ZNF451: variants seen among roughly 807,000 people sequenced by gnomAD.
ZNF451 encodes zinc finger protein 451.
In ZNF451, 80 loss-of-function variants were observed where a neutral mutation model predicts 107.1. The observed-to-expected ratio is 0.75, with a 90% CI of 0.62 to 0.90. The LOEUF (loss-of-function observed/expected upper bound fraction) is 0.90. Ranked by LOEUF, ZNF451 falls within the 40% of genes least tolerant of loss-of-function variation. ZNF451 has a pLI of 0.00. For missense variants in ZNF451, 1,107 were observed against 1,236.2 expected (o/e 0.90, Z 1.57); for synonymous variants, 362 against 406.5 (o/e 0.89, Z 1.32).
chr6:57,104,622 A>G, intron 3 of ZNF451: 13 of 985,182 alleles, frequency 1.3e-5, no homozygotes, highest in Non-Finnish European at 1.4e-5. Context: ...AGAAAAAAAA[A>G]GGCACATAAA....
chr6:57,143,728 C>G (rs1205277989), intron 9 of ZNF451, among the ~76,000 whole-genome samples: 3 of 152,090 alleles, frequency 2.0e-5, no homozygotes, highest in African/African-American at 7.2e-5. Flanking sequence ...TGAACTTGCT[C>G]TTGTTCACAA....
Position 57,152,301 on chromosome 6 carries a change from C to T in ZNF451, c.2833C>T (p.Pro945Ser), listed in dbSNP as rs1317093955. The change falls in exon 12 of 15, where the codon CCT becomes TCT. Residue 945 changes from proline (P) to serine (S), a missense_variant. Physicochemically the swap from Pro to Ser is moderately conservative, Grantham distance 74 (BLOSUM62 -1). Around this residue, in one of 5 missense-constraint regions of ZNF451, gnomAD observed 151 missense variants for 173.3 expected, o/e 0.87. Coordinates refer to ENST00000370706, the MANE Select transcript of ZNF451 (RefSeq NM_001031623.3). ...CAGGATTGGATGCTTCTTCCTTCAT[C>T]CTCGCTGTAGTAAAAGAAAAGATGC... ...LNRIGCFFLHPRCSKRKDAAD... is the reference protein window; with the variant it reads ...LNRIGCFFLHSRCSKRKDAAD... The T allele has an allele frequency of 6.2e-7, 1 of 1,614,064 alleles. No homozygotes were observed. Among genetic ancestry groups the T allele is most frequent in the East Asian group, 2.2e-5 (1 of 44,862 alleles).
intron 2 of ZNF451, among the ~76,000 whole-genome samples, chr6:57,091,773 A>G (rs1018235709): frequency 1.3e-4 from 20 of 152,306 alleles, no homozygotes; most frequent in African/African-American, 4.8e-4. Context: ...CAAGCTGTAG[A>G]ATTTTTCGTT....
intron 3 of ZNF451, chr6:57,104,384 G>C (rs1219757077): frequency 1.0e-6 from 1 of 985,360 alleles, no homozygotes; most frequent in Non-Finnish European, 1.2e-6. Flanking sequence ...AAGTGTTTCT[G>C]ACTAGCTAAG....
chr6:57,115,647 C>T (rs573975092), intron 3 of ZNF451: 1 of 152,310 alleles, frequency 6.6e-6, no homozygotes, highest in Non-Finnish European at 1.5e-5. Context: ...TGCCTTTAGG[C>T]TTCTTCTGGC....
At chr6:57,104,072 A>C in intron 3 of ZNF451, 1 of 984,686 alleles carries the variant, frequency 1.0e-6, no homozygotes, top group Non-Finnish European at 1.2e-6. Flanking sequence ...AGTCATATCA[A>C]GAGTTAATAT....
chr6:57,125,433 A>G (rs1040291381), intron 4 of ZNF451, among the ~76,000 whole-genome samples: 46 of 152,188 alleles, frequency 3.0e-4, no homozygotes, highest in African/African-American at 1.1e-3. Flanking sequence ...CTCAATAGTG[A>G]CAAATGTCCT....
In ZNF451 at chr6:57,147,546, A is replaced by T; in HGVS notation, c.1461A>T (p.Glu487Asp). 1 of 1,614,178 alleles carries T rather than the reference A, an allele frequency of 6.2e-7. No individual in the cohort carries two copies. Among genetic ancestry groups the T allele is most frequent in the Non-Finnish European group, 8.5e-7 (1 of 1,179,992 alleles). The change falls in exon 10 of 15, where the codon GAA becomes GAT. Residue 487 changes from glutamate (E) to aspartate (D), a missense_variant. Physicochemically the swap from Glu to Asp is conservative, Grantham distance 45. This residue lies in a region of ZNF451 where 608 missense variants were observed against 649.2 expected (regional missense o/e 0.94). Coordinates refer to ENST00000370706, the MANE Select transcript of ZNF451 (RefSeq NM_001031623.3). Reference protein sequence around the residue: ...NQRFPSEDAVEKHVFSANTMG... With the variant: ...NQRFPSEDAVDKHVFSANTMG... ...GATTCCCAAGTGAAGATGCAGTAGA[A>T]AAGCATGTTTTCTCAGCAAACACAA...
In ZNF451 at chr6:57,141,941, C is replaced by T. The variant is rs367833404; in HGVS notation, c.857-7C>T. 9 of 1,611,296 alleles carry T rather than the reference C, an allele frequency of 5.6e-6. 1 individual carries two copies. The South Asian group carries it at 9.9e-5, about 18-fold the overall frequency. On this transcript the variant is annotated splice_polypyrimidine_tract_variant and splice_region_variant and intron_variant, in intron 8 of 14. Transcript: ENST00000370706. ...CTTTGCAAATTATAGTTTATTTTGTCTTTCAGATAACAAAGGAATTGCACA... is the reference window on the plus strand; with the variant it reads ...CTTTGCAAATTATAGTTTATTTTGTTTTTCAGATAACAAAGGAATTGCACA...
intron 9 of ZNF451, among the ~76,000 whole-genome samples, chr6:57,145,135 A>T (rs1185145752): frequency 6.6e-6 from 1 of 151,890 alleles, no homozygotes; most frequent in Non-Finnish European, 1.5e-5. Flanking sequence ...TTCTCTCTGG[A>T]GTTTAGTAGT....
chr6:57,119,548 A>T (rs898797374), intron 3 of ZNF451, among the ~76,000 whole-genome samples: 5 of 152,260 alleles, frequency 3.3e-5, no homozygotes, highest in Admixed American at 2.6e-4. Flanking sequence ...GCCAGGGAAG[A>T]TCTATTATTT....
intron 3 of ZNF451, chr6:57,107,509 A>G (rs528410658): frequency 1.0e-6 from 1 of 984,768 alleles, no homozygotes; most frequent in Non-Finnish European, 1.2e-6. Context: ...TCATTTCTAC[A>G]TGTTCACACA....
Position 57,148,055 on chromosome 6 carries a change from A to G in ZNF451, c.1970A>G (p.Asp657Gly), listed in dbSNP as rs1260633759. 6.2e-7 allele frequency: 1 copy of G among 1,614,118 alleles called. No homozygotes were observed. Among genetic ancestry groups the G allele is most frequent in the Non-Finnish European group, 8.5e-7 (1 of 1,179,982 alleles). The change falls in exon 10 of 15, where the codon GAT becomes GGT. Residue 657 changes from aspartate (D) to glycine (G), a missense_variant. Physicochemically the swap from Asp to Gly is moderately conservative, Grantham distance 94. Coordinates refer to ENST00000370706, the MANE Select transcript of ZNF451 (RefSeq NM_001031623.3). ...KIETLYRHCQ[D>G]EHDNEIKIKY... ...GAAACATTGTACCGACATTGCCAAG[A>G]TGAGCATGACAATGAGATAAAGATT...
At chr6:57,141,864 A>G (rs1027733584) in intron 8 of ZNF451, 84 bp from the exon 9 acceptor site, 3 of 1,192,760 alleles carry the variant, frequency 2.5e-6, no homozygotes, top group African/African-American at 1.5e-5. Context: ...ACTCCAACTA[A>G]TGTTGAGAAG....
At position 57,141,912 on chromosome 6, in the gene ZNF451, A is replaced by ATT. The variant is rs771048810; in HGVS notation, c.857-35_857-34insTT. The ATT allele has an allele frequency of 1.9e-6, 3 of 1,595,362 alleles. No homozygotes were observed. In the South Asian group the frequency reaches 3.3e-5, roughly 18 times the overall value. On this transcript the variant is annotated intron_variant, in intron 8 of 14. Transcript: ENST00000370706. ...GAAGGTTGGGTTACTCTGTACTCAAATAACTTTGCAAATTATAGTTTATTT... is the reference window on the plus strand; with the variant it reads ...GAAGGTTGGGTTACTCTGTACTCAAATTTAACTTTGCAAATTATAGTTTATTT...
intron 13 of ZNF451, among the ~76,000 whole-genome samples, chr6:57,160,228 G>C (rs1367181173): frequency 1.3e-5 from 2 of 152,000 alleles, no homozygotes; most frequent in Admixed American, 6.6e-5. Context: ...ACAATATTAG[G>C]ACATTATTAC....
chr6:57,151,917 C>T, intron 11 of ZNF451: 1 of 218,132 alleles, frequency 4.6e-6, no homozygotes, highest in Non-Finnish European at 9.0e-6. Context: ...CTGTAAAAAC[C>T]ACTTATGCTT....
intron 5 of ZNF451, among the ~76,000 whole-genome samples, chr6:57,129,766 G>T (rs1285444929): frequency 1.3e-5 from 2 of 152,004 alleles, no homozygotes; most frequent in Non-Finnish European, 2.9e-5. Flanking sequence ...TTATCAACCT[G>T]CCTGTGCCTC....
intron 9 of ZNF451, among the ~76,000 whole-genome samples, chr6:57,143,577 C>G (rs1318721999): frequency 6.6e-6 from 1 of 152,316 alleles, no homozygotes; most frequent in South Asian, 2.1e-4. Flanking sequence ...CTAAGCACTG[C>G]TTTACCTGCA....
Sources: allele counts gnomAD v4.1 joint callset (sites outside exome capture counted in the v4.1 genomes callset), GRCh38; gene constraint gnomAD v4.1.1; regional missense constraint gnomAD v4.1.1; transcripts MANE v1.5; gene names NCBI Gene and HGNC (gene_info 2026-07-23, HGNC 2026-07-21).